MYF5: variants seen among roughly 807,000 people sequenced by gnomAD.
MYF5 encodes the protein myogenic factor 5, also known as class C basic helix-loop-helix protein 2.
A neutral mutation model predicts 22.3 loss-of-function variants in MYF5; 20 were observed. The ratio of observed to expected loss-of-function variants is 0.90; its 90% CI spans 0.63 to 1.30. The LOEUF (loss-of-function observed/expected upper bound fraction) is 1.30. MYF5 is among the 50% of genes most tolerant of loss of function. The probability of loss-of-function intolerance (pLI) is 0.00; values close to 1 mark genes in which losing one functional copy is unlikely to be tolerated. For missense variants in MYF5, 348 were observed against 325.9 expected, an observed-to-expected ratio of 1.07 and a Z score of -0.52; for synonymous variants, 141 against 128.4, an observed-to-expected ratio of 1.10 and a Z score of -0.66.
rs772940945 is a variant in MYF5, at chr12:80,717,220, G to C, written c.157G>C (p.Glu53Gln). The change falls in exon 1 of 3, where the codon GAG becomes CAG. Residue 53 changes from glutamate to glutamine, a missense_variant. Physicochemically the swap from Glu to Gln is conservative, Grantham distance 29. Coordinates refer to ENST00000228644, the MANE Select transcript of MYF5 (RefSeq NM_005593.3). ...AGAGCTGCAGGGCTCAGATGAGGACGAGCACGTGCGAGCGCCTACCGGCCA... is the reference window on the plus strand; with the variant it reads ...AGAGCTGCAGGGCTCAGATGAGGACCAGCACGTGCGAGCGCCTACCGGCCA... ...KAELQGSDEDEHVRAPTGHHQ... is the reference protein window; with the variant it reads ...KAELQGSDEDQHVRAPTGHHQ... 15 of 1,613,900 alleles carry C rather than the reference G, an allele frequency of 9.3e-6. No individual in the cohort carries two copies. Among genetic ancestry groups the C allele is most frequent in the Non-Finnish European group, 1.3e-5 (15 of 1,180,042 alleles).
At position 80,717,176 on chromosome 12, in the gene MYF5, C is replaced by T; in HGVS notation, c.113C>T (p.Ala38Val). 2 of 1,613,902 alleles carry T rather than the reference C, an allele frequency of 1.2e-6. No individual in the cohort carries two copies. The highest frequency in any genetic ancestry group is 8.5e-7 in the Non-Finnish European group (1 of 1,180,018). Residue 38 changes from alanine (A) to valine (V), a missense_variant, in exon 1 of 3, where the codon GCC becomes GTC. By Grantham distance (64) the Ala-to-Val change is moderately conservative. Coordinates refer to ENST00000228644, the MANE Select transcript of MYF5 (RefSeq NM_005593.3). ...GACGAGTTTGTGCCGCGAGTGGCTG[C>T]CTTCGGAGCGCACAAAGCAGAGCTG... ...FGDEFVPRVAAFGAHKAELQG... is the reference protein window; with the variant it reads ...FGDEFVPRVAVFGAHKAELQG...
At chr12:80,717,702 T>G in intron 1 of MYF5, 138 bp downstream of exon 1, 1 of 1,111,646 alleles carries the variant, frequency 9.0e-7, no homozygotes, top group Non-Finnish European at 1.3e-6. Flanking sequence ...GGGTCCACAT[T>G]TAGAAAGACT....
Position 80,716,971 on chromosome 12 carries a change from G to A in MYF5, c.-93G>A. 1 of 1,480,192 alleles carries A rather than the reference G, an allele frequency of 6.8e-7. No homozygotes were observed. The highest frequency in any genetic ancestry group is 1.3e-5 in the South Asian group (1 of 77,076). 91.7% of individuals were successfully genotyped at this position (1,480,192 alleles called of 1,614,324 possible). A position where few individuals can be genotyped will look rare whatever the true frequency, so the allele number is the denominator to read the frequency against. ...CCGGAGCGACAGACTAGGGAGCTCCGCCCGGGATTTGCCCATCGGCGGAGG... is the reference window on the plus strand; with the variant it reads ...CCGGAGCGACAGACTAGGGAGCTCCACCCGGGATTTGCCCATCGGCGGAGG... On this transcript the variant is annotated 5_prime_UTR_variant, in exon 1 of 3. Transcript: ENST00000228644.
chr12:80,717,526 G>T lies in MYF5; in HGVS notation c.463G>T (p.Glu155Ter). Residue 155 changes from glutamate (E) to a stop codon, truncating the protein, a stop_gained, in exon 1 of 3, where the codon GAG becomes TAG. Transcript: ENST00000228644. LOFTEE classifies it high-confidence loss of function. ...YYSLPGQSCSEPTSPTSNCSD... is the reference protein window; with the variant it reads ...YYSLPGQSCS ...TAGCCTGCCGGGACAGAGCTGCTCGGAGCCCACCAGCCCCACCTCCAACTG... is the reference window on the plus strand; with the variant it reads ...TAGCCTGCCGGGACAGAGCTGCTCGTAGCCCACCAGCCCCACCTCCAACTG... 1 of 1,614,060 alleles carries T rather than the reference G, an allele frequency of 6.2e-7. No homozygotes were observed. The highest frequency in any genetic ancestry group is 2.2e-5 in the East Asian group (1 of 44,854).
chr12:80,717,445 A>G lies in MYF5; in HGVS notation c.382A>G (p.Ile128Val). ...LPKVEILRNA[I>V]RYIESLQELL... ...CAAGGTGGAGATCCTCAGGAATGCC[A>G]TCCGCTACATCGAGAGCCTGCAGGA... Residue 128 changes from isoleucine (I) to valine (V), a missense_variant, in exon 1 of 3, where the codon ATC becomes GTC. Ile to Val is a conservative substitution (Grantham distance 29). Transcript: ENST00000228644. 1 of 1,614,164 alleles carries G rather than the reference A, an allele frequency of 6.2e-7. No homozygotes were observed. The highest frequency in any genetic ancestry group is 8.5e-7 in the Non-Finnish European group (1 of 1,180,030).
At chr12:80,718,458 G>A (rs778074127) in intron 2 of MYF5, 25 bp downstream of exon 2, 2 of 1,561,254 alleles carry the variant, frequency 1.3e-6, no homozygotes, top group Non-Finnish European at 1.8e-6. Context: ...CTTCACAGGA[G>A]TTTAAAGACC....
chr12:80,718,275 TG>T, intron 1 of MYF5, 82 bp from the exon 2 acceptor site: 1 of 1,093,582 alleles, frequency 9.1e-7, no homozygotes, highest in Non-Finnish European at 1.4e-6. Flanking sequence ...ACAGAGCTGG[TG>T]GGCAAGCACA....
Position 80,718,407 on chromosome 12 carries a change from GC to G in MYF5, c.552del (p.Ser184ArgfsTer27). On this transcript the variant is annotated frameshift_variant, in exon 2 of 3. Transcript: ENST00000228644. LOFTEE classifies it high-confidence loss of function. ...VWSRKSSTFD[S>X]IYCPDVSNVY... ...TCCAGAAAGAGCAGTACTTTTGACA[GC>G]ATCTACTGTCCTGATGTATCAAATG... 1.2e-6 allele frequency: 2 copies of G among 1,613,774 alleles called. No homozygotes were observed.
chr12:80,717,609 TA>T (rs1448180849), intron 1 of MYF5, 45 bp downstream of exon 1: 5 of 1,585,416 alleles, frequency 3.2e-6, no homozygotes, highest in Non-Finnish European at 4.3e-6. Context: ...TAATCTTTTC[TA>T]AAGTCCTTAC....
rs1229470428 is a variant in MYF5, at chr12:80,717,114, C to T, written c.51C>T (p.Asp17=). 1 of 1,612,682 alleles carries T rather than the reference C, an allele frequency of 6.2e-7. No homozygotes were observed. The highest frequency in any genetic ancestry group is 8.5e-7 in the Non-Finnish European group (1 of 1,180,004). Residue 17 remains aspartate, a synonymous_variant, in exon 1 of 3, where the codon GAC becomes GAT. Transcript: ENST00000228644. Reference sequence around the variant, plus strand: ...TCTCACCTTCTGAGTACTTCTACGACGGCTCCTGCATACCGTCCCCCGAGG... The same window carrying T: ...TCTCACCTTCTGAGTACTTCTACGATGGCTCCTGCATACCGTCCCCCGAGG... ...CQFSPSEYFY[D]GSCIPSPEGE...
Position 80,719,135 on chromosome 12 carries a change from C to A in MYF5, c.*84C>A. The A allele has an allele frequency of 2.8e-6, 3 of 1,086,346 alleles. No individual in the cohort carries two copies. Among genetic ancestry groups the A allele is most frequent in the Non-Finnish European group, 3.9e-6 (3 of 766,196 alleles). The allele number at this position is 1,086,346 out of a possible 1,614,324, so 67.3% of individuals were successfully genotyped here. A position where few individuals can be genotyped will look rare whatever the true frequency, so the allele number is the denominator to read the frequency against. The stretch of plus-strand genomic sequence containing the variant: ...GGCTTCAAAAAGTCCCAAACCAAGA[C>A]AACATGTACATAAAGATTTCTTTTC... On this transcript the variant is annotated 3_prime_UTR_variant, in exon 3 of 3. Coordinates refer to ENST00000228644, the MANE Select transcript of MYF5 (RefSeq NM_005593.3).
intron 1 of MYF5, 65 bp downstream of exon 1, chr12:80,717,629 TAACCTGG>T: frequency 6.5e-7 from 1 of 1,542,274 alleles, no homozygotes; most frequent in African/African-American, 1.4e-5. Context: ...ACACCTCATT[TAACCTGG>T]TGTGGTGGGG....
In MYF5 at chr12:80,717,520, T is replaced by C. The variant is rs565373428; in HGVS notation, c.457T>C (p.Cys153Arg). The C allele has an allele frequency of 6.2e-7, 1 of 1,614,120 alleles. No individual in the cohort carries two copies. The highest frequency in any genetic ancestry group is 1.3e-5 in the African/African-American group (1 of 75,044). ...ENYYSLPGQS[C>R]SEPTSPTSNC... ...CTACTATAGCCTGCCGGGACAGAGCTGCTCGGAGCCCACCAGCCCCACCTC... is the reference window on the plus strand; with the variant it reads ...CTACTATAGCCTGCCGGGACAGAGCCGCTCGGAGCCCACCAGCCCCACCTC... Residue 153 changes from cysteine (C) to arginine (R), a missense_variant, in exon 1 of 3, where the codon TGC (cysteine) becomes CGC (arginine). Cys to Arg is a radical substitution (Grantham distance 180). Coordinates refer to ENST00000228644, the MANE Select transcript of MYF5 (RefSeq NM_005593.3).
chr12:80,718,597 T>C (rs1202573571), intron 2 of MYF5, among the ~76,000 whole-genome samples, 164 bp downstream of exon 2: 2 of 151,960 alleles, frequency 1.3e-5, no homozygotes, highest in African/African-American at 4.8e-5. Flanking sequence ...CTGCTCCAAA[T>C]CCCCCTAGCA....
At chr12:80,718,335 T>C (rs753722523) in intron 1 of MYF5, 23 bp from the exon 2 acceptor site, 1 of 1,609,126 alleles carries the variant, frequency 6.2e-7, no homozygotes, top group Non-Finnish European at 8.5e-7. Context: ...AAAACAAACT[T>C]TGTTGTGTGT....
In MYF5 at chr12:80,717,122, G is replaced by T. The variant is rs775517165; in HGVS notation, c.59G>T (p.Cys20Phe). 6 of 1,613,150 alleles carry T rather than the reference G, an allele frequency of 3.7e-6. No individual in the cohort carries two copies. The highest frequency in any genetic ancestry group is 4.2e-6 in the Non-Finnish European group (5 of 1,180,020). ...SPSEYFYDGS[C>F]IPSPEGEFGD... ...TCTGAGTACTTCTACGACGGCTCCT[G>T]CATACCGTCCCCCGAGGGTGAATTT... Residue 20 changes from cysteine to phenylalanine, a missense_variant, in exon 1 of 3, where the codon TGC becomes TTC. By Grantham distance (205) the Cys-to-Phe change is radical. Transcript: ENST00000228644.
chr12:80,719,280 T>C lies in MYF5; in HGVS notation c.*229T>C. ...TATTCTTTGCTTAGATATTAATACA[T>C]AGTTCCAGTAATACTATTTCTGATA... is the stretch of plus-strand genomic sequence containing the variant. On this transcript the variant is annotated 3_prime_UTR_variant, in exon 3 of 3. Coordinates refer to ENST00000228644, the MANE Select transcript of MYF5 (RefSeq NM_005593.3). 3.0e-6 allele frequency: 1 copy of C among 331,604 alleles called. No homozygotes were observed. The highest frequency in any genetic ancestry group is 5.3e-5 in the South Asian group (1 of 18,886). The allele number at this position is 331,604 out of a possible 1,614,324, so 20.5% of individuals were successfully genotyped here.
rs71463884 is a variant in MYF5 at position 80,719,423 on chromosome 12, A to C, written c.*372A>C. Reference sequence around the variant, plus strand: ...TGTTTAGAGCTTTATTTTTTTCTTTAAAACATTAAAACAGCTGAGAATCAG... The same window carrying C: ...TGTTTAGAGCTTTATTTTTTTCTTTCAAACATTAAAACAGCTGAGAATCAG... On this transcript the variant is annotated 3_prime_UTR_variant, in exon 3 of 3. Transcript: ENST00000228644. 1 of 151,524 alleles carries C rather than the reference A, an allele frequency of 6.6e-6. No individual in the cohort carries two copies. The highest frequency in any genetic ancestry group is 2.1e-4 in the South Asian group (1 of 4,810). 9.4% of individuals were successfully genotyped at this position (151,524 alleles called of 1,614,324 possible).
chr12:80,718,749 C>A, intron 2 of MYF5, 112 bp from the exon 3 acceptor site: 1 of 915,374 alleles, frequency 1.1e-6, no homozygotes, highest in Non-Finnish European at 1.7e-6. Context: ...TTTCTGTGAC[C>A]ACCTGACCTC....
Sources: gnomAD v4.1 joint callset for allele counts (sites outside exome capture counted in the v4.1 genomes callset) on GRCh38, gnomAD v4.1.1 for gene constraint, MANE v1.5 for transcripts, NCBI Gene and HGNC (gene_info 2026-07-23, HGNC 2026-07-21) for gene names.